Variants in DARS1 observed in about 807,000 individuals in gnomAD.
DARS1 encodes the protein aspartate--tRNA ligase, cytoplasmic.
DARS1 carries 51 observed loss-of-function variants against 68.8 expected under a neutral mutation model. That is an observed-to-expected ratio of 0.74 (90% CI 0.59 to 0.94). The LOEUF (loss-of-function observed/expected upper bound fraction) is 0.94. DARS1 is among the 40% of genes least tolerant of loss of function. The pLI is 0.00. For missense variants in DARS1, 607 were observed against 597.3 expected (o/e 1.02, Z -0.17); for synonymous variants, 203 against 190.4 (o/e 1.07, Z -0.55).
At chr2:135,985,675 G>T (rs1263934313), upstream of DARS1, 3 of 1,307,378 alleles carry the variant, frequency 2.3e-6, no homozygotes, top group African/African-American at 4.4e-5. Flanking sequence ...GCGGCCGCGC[G>T]CAGGGTCTCC....
At chr2:135,929,879 C>A (rs1009408777) in intron 7 of DARS1, among the ~76,000 whole-genome samples, 1 of 152,164 alleles carries the variant, frequency 6.6e-6, no homozygotes, top group Admixed American at 6.5e-5. Flanking sequence ...TTAGTGGAGG[C>A]TGCCCTGAGT....
Position 135,915,936 on chromosome 2 carries a change from A to G in DARS1, c.1106+290T>C, listed in dbSNP as rs114126158. 2.9e-3 allele frequency among the ~76,000 whole-genome samples: 435 copies of G among 152,306 alleles called. 1 individual carries two copies. The highest frequency in any genetic ancestry group is 1.0e-2 in the African/African-American group (415 of 41,568). On this transcript the variant is annotated intron_variant, in intron 11 of 15. Transcript: ENST00000264161. ...AAAATTATGAAAACTTAGGCAAACTATAGTAAACACTTTTATTTCAGATCA... is the reference window on the plus strand; with the variant it reads ...AAAATTATGAAAACTTAGGCAAACTGTAGTAAACACTTTTATTTCAGATCA...
chr2:135,930,670 G>T (rs989967287), intron 7 of DARS1, among the ~76,000 whole-genome samples: 2 of 152,174 alleles, frequency 1.3e-5, no homozygotes, highest in Non-Finnish European at 2.9e-5. Context: ...AGAAATAAAA[G>T]AAATAGACTA....
intron 4 of DARS1, among the ~76,000 whole-genome samples, chr2:135,944,876 G>C (rs529076936): frequency 1.3e-5 from 2 of 152,162 alleles, no homozygotes; most frequent in South Asian, 4.1e-4. Flanking sequence ...ATTCAGGCCT[G>C]GTGAGAATTC....
intron 12 of DARS1, among the ~76,000 whole-genome samples, chr2:135,913,745 C>T (rs1337203652): frequency 1.3e-5 from 2 of 149,822 alleles, no homozygotes; most frequent in South Asian, 2.1e-4. Flanking sequence ...GCAACAAGAG[C>T]GAAACTCCGT....
intron 15 of DARS1, among the ~76,000 whole-genome samples, chr2:135,909,478 T>A (rs904785473): frequency 6.6e-6 from 1 of 152,188 alleles, no homozygotes; most frequent in Non-Finnish European, 1.5e-5. Context: ...ATACCTATAT[T>A]TTTTGTGGAA....
intron 7 of DARS1, among the ~76,000 whole-genome samples, chr2:135,924,801 G>T (rs1316096830): frequency 6.6e-6 from 1 of 152,106 alleles, no homozygotes; most frequent in African/African-American, 2.4e-5. Context: ...ACTTACTTGT[G>T]AATGGTCTGT....
At chr2:135,910,331 A>C (rs1328666378) in intron 15 of DARS1, among the ~76,000 whole-genome samples, 1 of 152,100 alleles carries the variant, frequency 6.6e-6, no homozygotes, top group Non-Finnish European at 1.5e-5. Context: ...CTTACCAACA[A>C]TTATCCATTA....
At chr2:135,984,909 T>C (rs1057324756) in intron 1 of DARS1, among the ~76,000 whole-genome samples, 4 of 152,130 alleles carry the variant, frequency 2.6e-5, no homozygotes, top group African/African-American at 9.7e-5. Flanking sequence ...AGAAAGTAAA[T>C]AAAAATGACA....
In DARS1 at chr2:135,933,915, C is replaced by T. The variant is rs752097170; in HGVS notation, c.499G>A (p.Glu167Lys). ...DDAVRPEAEG[E>K]EEGRATVNQD... ...TTCATAAGTATAATTTTTACCTCTT[C>T]TCCTTCTGCCTCAGGCCGAACAGCA... The change falls in exon 6 of 16, where the codon GAA becomes AAA. Residue 167 changes from glutamate to lysine, a missense_variant. Physicochemically the swap from Glu to Lys is moderately conservative, Grantham distance 56. Coordinates refer to ENST00000264161, the MANE Select transcript of DARS1 (RefSeq NM_001349.4). 9 of 1,612,436 alleles carry T rather than the reference C, an allele frequency of 5.6e-6. No homozygotes were observed. In the South Asian group the frequency reaches 8.8e-5, roughly 16 times the overall value.
At chr2:135,926,161 G>C (rs1315049446) in intron 7 of DARS1, among the ~76,000 whole-genome samples, 2 of 152,160 alleles carry the variant, frequency 1.3e-5, no homozygotes, top group Non-Finnish European at 2.9e-5. Context: ...AAAGTGCTGG[G>C]ATTACAGGTG....
chr2:135,925,375 G>A (rs774491844), intron 7 of DARS1, among the ~76,000 whole-genome samples: 2 of 152,200 alleles, frequency 1.3e-5, no homozygotes, highest in Non-Finnish European at 2.9e-5. Context: ...GAATAACTGA[G>A]TTAGGTGAAG....
chr2:135,970,451 A>AC (rs1682345818), intron 3 of DARS1, among the ~76,000 whole-genome samples: 1 of 152,028 alleles, frequency 6.6e-6, no homozygotes, highest in Non-Finnish European at 1.5e-5. Flanking sequence ...GATAATGGAA[A>AC]CAACATGCCA....
chr2:135,969,578 C>T, intron 3 of DARS1, among the ~76,000 whole-genome samples: 1 of 148,748 alleles, frequency 6.7e-6, no homozygotes, highest in East Asian at 2.0e-4. Flanking sequence ...ATTATAAATG[C>T]AAAATTCCAC....
intron 5 of DARS1, among the ~76,000 whole-genome samples, chr2:135,937,471 C>T (rs1278465624): frequency 6.6e-6 from 1 of 152,062 alleles, no homozygotes. Context: ...TTTATTTTGA[C>T]TTCTCTATGT....
chr2:135,914,962 C>CAAG (rs937879331), intron 11 of DARS1: 1 of 152,484 alleles, frequency 6.6e-6, no homozygotes, highest in African/African-American at 2.4e-5. Flanking sequence ...TTTCTATGGC[C>CAAG]AAGAGGTAGC....
intron 9 of DARS1, among the ~76,000 whole-genome samples, chr2:135,921,832 G>A (rs893883416): frequency 2.0e-5 from 3 of 152,068 alleles, no homozygotes; most frequent in African/African-American, 7.2e-5. Context: ...AGTGCTGGCT[G>A]GTTCTTCTTT....
At chr2:135,924,696 T>C in intron 7 of DARS1, among the ~76,000 whole-genome samples, 198 bp from the exon 8 acceptor site, 1 of 152,206 alleles carries the variant, frequency 6.6e-6, no homozygotes, top group East Asian at 1.9e-4. Context: ...TATATGATCA[T>C]ATAAAGGAAT....
At chr2:135,958,345 T>C (rs900433384) in intron 4 of DARS1, among the ~76,000 whole-genome samples, 1 of 152,198 alleles carries the variant, frequency 6.6e-6, no homozygotes, top group African/African-American at 2.4e-5. Flanking sequence ...ACCTCAAAGA[T>C]AAATGTATGA....
Sources: gnomAD v4.1 joint callset for allele counts (sites outside exome capture counted in the v4.1 genomes callset) on GRCh38, gnomAD v4.1.1 for gene constraint, MANE v1.5 for transcripts, NCBI Gene and HGNC (gene_info 2026-07-23, HGNC 2026-07-21) for gene names.